The following UNC79 variants were observed in gnomAD, a reference collection of about 807,000 sequenced individuals.
UNC79 encodes the protein protein unc-79 homolog.
A neutral mutation model predicts 283.1 loss-of-function variants in UNC79; 37 were observed. The ratio of observed to expected loss-of-function variants is 0.13; its 90% confidence interval spans 0.10 to 0.17. UNC79 has a LOEUF of 0.17. UNC79 is among the 10% of genes least tolerant of loss of function. The probability of loss-of-function intolerance (pLI) is 1.00; values close to 1 mark genes in which losing one functional copy is unlikely to be tolerated. For synonymous variants in UNC79, 1,107 were observed against 1,200.2 expected (o/e 0.92, Z 1.61); for missense variants, 2,272 against 3,211.1 (o/e 0.71, Z 7.07).
At chr14:93,536,782 C>CTTTTTTTTTTT (rs35677025) in intron 11 of UNC79, among the ~76,000 whole-genome samples, 1 of 82,434 alleles carries the variant, frequency 1.2e-5, no homozygotes, top group Non-Finnish European at 2.4e-5. Flanking sequence ...CCACCCCCGG[C>CTTTTTTTTTTT]TTTTTTTTTT....
chr14:93,347,756 A>G (rs2053891922), intron 1 of UNC79, among the ~76,000 whole-genome samples: 1 of 151,920 alleles, frequency 6.6e-6, no homozygotes, highest in Non-Finnish European at 1.5e-5. Flanking sequence ...GCGAAGATCT[A>G]GCGTTTTCGA....
At chr14:93,497,436 T>A in intron 7 of UNC79, 150 bp downstream of exon 7, 2 of 1,194,602 alleles carry the variant, frequency 1.7e-6, no homozygotes, top group Non-Finnish European at 2.2e-6. Context: ...CTAAGTGGTT[T>A]AAAGATGAAT....
chr14:93,355,463 C>G (rs2054067396), intron 1 of UNC79, among the ~76,000 whole-genome samples: 1 of 152,214 alleles, frequency 6.6e-6, no homozygotes, highest in African/African-American at 2.4e-5. Flanking sequence ...TCCCAAACTG[C>G]TGGGATTACA....
chr14:93,694,423 C>T lies in UNC79; in HGVS notation c.7548+11C>T, dbSNP rs777695083. The T allele has an allele frequency of 1.2e-6, 2 of 1,604,408 alleles. No individual in the cohort carries two copies. Among genetic ancestry groups the T allele is most frequent in the East Asian group, 2.2e-5 (1 of 44,628 alleles). On this transcript the variant is annotated intron_variant, in intron 47 of 48. Transcript: ENST00000555664. ...ACCATTTTTGTCAAGGTAGGAAAAC[C>T]TTATGATTTTTAAAGACCATTTCTT...
At position 93,495,892 on chromosome 14, in the gene UNC79, T is replaced by C. The variant is rs570906657; in HGVS notation, c.713-519T>C. Among the ~76,000 whole-genome samples, 88 of 152,358 alleles carry C rather than the reference T, an allele frequency of 5.8e-4. 3 individuals carry two copies. The South Asian group carries it at 0.018, about 31-fold the overall frequency. On this transcript the variant is annotated intron_variant, in intron 5 of 48. Transcript: ENST00000555664. ...TAAAAATTCCTCTATAAGATGGAAC[T>C]GATGATGAAATTATAAAACCCCACT...
intron 1 of UNC79, among the ~76,000 whole-genome samples, chr14:93,416,741 C>A (rs1283888044): frequency 2.6e-5 from 4 of 152,216 alleles, no homozygotes; most frequent in Non-Finnish European, 4.4e-5. Flanking sequence ...ATAGTTAGCT[C>A]TTCTTGTTGA....
At chr14:93,633,755 A>G (rs2068248318) in intron 31 of UNC79, among the ~76,000 whole-genome samples, 1 of 152,200 alleles carries the variant, frequency 6.6e-6, no homozygotes, top group Non-Finnish European at 1.5e-5. Context: ...CTGGTTTGGA[A>G]ATGCTAATAA....
chr14:93,368,874 T>C (rs1437053486), intron 1 of UNC79, among the ~76,000 whole-genome samples: 1 of 152,240 alleles, frequency 6.6e-6, no homozygotes, highest in East Asian at 1.9e-4. Flanking sequence ...AAACAAAGAC[T>C]GAAAGCTGAC....
exon 34 of UNC79, chr14:93,643,617 C>T (rs770130112): frequency 1.1e-5 from 17 of 1,613,736 alleles, no homozygotes; most frequent in South Asian, 9.9e-5. Flanking sequence ...GGCTAGCCAT[C>T]GTGGTCCTCT....
At chr14:93,546,061 A>C (rs989181667) in intron 14 of UNC79, among the ~76,000 whole-genome samples, 1 of 152,202 alleles carries the variant, frequency 6.6e-6, no homozygotes, top group Non-Finnish European at 1.5e-5. Context: ...CAGACATGCA[A>C]AAAAACATGA....
chr14:93,443,192 C>T (rs547646435), intron 1 of UNC79, among the ~76,000 whole-genome samples: 20 of 151,056 alleles, frequency 1.3e-4, no homozygotes, highest in Non-Finnish European at 2.2e-4. Flanking sequence ...CCACTGCACT[C>T]CAGCCTGGGC....
At chr14:93,347,480 G>A (rs2139900097) in intron 1 of UNC79, 5 of 1,345,084 alleles carry the variant, frequency 3.7e-6, no homozygotes, top group East Asian at 3.0e-5. Flanking sequence ...GGGAGGACAC[G>A]GCGTGCAGGC....
chr14:93,639,305 T>G (rs568666102), intron 32 of UNC79, among the ~76,000 whole-genome samples: 9 of 152,254 alleles, frequency 5.9e-5, no homozygotes, highest in African/African-American at 2.2e-4. Flanking sequence ...CTGGTCAATG[T>G]GGTCTGTCAA....
chr14:93,589,588 G>A (rs1595973599), intron 22 of UNC79, among the ~76,000 whole-genome samples: 1 of 152,130 alleles, frequency 6.6e-6, no homozygotes, highest in Admixed American at 6.5e-5. Flanking sequence ...CGCCTGAGGA[G>A]CAAGACTGAA....
chr14:93,706,682 A>G, intron 48 of UNC79, 22 bp from the exon 52 acceptor site: 2 of 1,613,034 alleles, frequency 1.2e-6, no homozygotes, highest in Non-Finnish European at 1.7e-6. Flanking sequence ...ATAAACTAAA[A>G]CCTCTTGCCC....
At chr14:93,611,594 A>T (rs1298939581) in intron 26 of UNC79, among the ~76,000 whole-genome samples, 1 of 152,214 alleles carries the variant, frequency 6.6e-6, no homozygotes, top group Admixed American at 6.5e-5. Context: ...GTGTCCTGGA[A>T]GGCTGAGATT....
At chr14:93,692,992 A>G (rs999612499) in intron 46 of UNC79, among the ~76,000 whole-genome samples, 21 of 152,234 alleles carry the variant, frequency 1.4e-4, no homozygotes, top group Non-Finnish European at 2.8e-4. Flanking sequence ...ACCCAACACT[A>G]CACTGCCCAC....
At chr14:93,682,493 C>A in intron 41 of UNC79, 124 bp from the exon 45 acceptor site, 1 of 769,082 alleles carries the variant, frequency 1.3e-6, no homozygotes, top group Non-Finnish European at 2.1e-6. Context: ...CAAATCTGAT[C>A]TATCCAAGGC....
chr14:93,613,233 A>T, intron 27 of UNC79, 150 bp downstream of exon 28: 1 of 1,036,746 alleles, frequency 9.6e-7, no homozygotes, highest in South Asian at 1.6e-5. Context: ...GAATGTGAAC[A>T]TTAGTAAGAA....
Sources: gnomAD v4.1 joint callset for allele counts (sites outside exome capture counted in the v4.1 genomes callset) on GRCh38, gnomAD v4.1.1 for gene constraint, MANE v1.5 for transcripts, NCBI Gene and HGNC (gene_info 2026-07-23, HGNC 2026-07-21) for gene names.